The following ASCC2 variants were observed in gnomAD, a reference collection of about 807,000 sequenced individuals.
ASCC2 encodes activating signal cointegrator 1 complex subunit 2.
A neutral mutation model predicts 93.5 loss-of-function variants in ASCC2; 42 were observed. The observed-to-expected ratio is 0.45, with a 90% CI of 0.35 to 0.58. ASCC2 has a LOEUF of 0.58. ASCC2 is among the 20% of genes least tolerant of loss of function. The pLI, the probability that ASCC2 is intolerant of heterozygous loss-of-function variation, is 0.00. For missense variants in ASCC2, 859 were observed against 977.6 expected (o/e 0.88, Z 1.62); for synonymous variants, 364 against 384.2 (o/e 0.95, Z 0.62).
Position 29,822,494 on chromosome 22 carries a change from A to G in ASCC2, c.412-30T>C, listed in dbSNP as rs544855357. ...GGAAAAATGCAGAGAGAAAGGATAG[A>G]GATTTTCTGAACACTCCTACATTAT... On this transcript the variant is annotated intron_variant, in intron 4 of 19. Transcript: ENST00000307790. 7 of 1,610,932 alleles carry G rather than the reference A, an allele frequency of 4.3e-6. No homozygotes were observed. In the East Asian group the frequency reaches 1.3e-4, roughly 31 times the overall value.
intron 2 of ASCC2, 38 bp downstream of exon 2, chr22:29,832,207 A>G (rs377665814): frequency 1.6e-5 from 25 of 1,549,778 alleles, no homozygotes; most frequent in Non-Finnish European, 2.1e-5. Context: ...TGCAAGACTG[A>G]CAATATCAGG....
At chr22:29,819,921 G>A (rs942405954) in intron 5 of ASCC2, among the ~76,000 whole-genome samples, 1 of 149,120 alleles carries the variant, frequency 6.7e-6, no homozygotes, top group Admixed American at 6.7e-5. Context: ...GTGTAGTGGT[G>A]TGATCATAGT....
intron 5 of ASCC2, among the ~76,000 whole-genome samples, chr22:29,820,800 G>A (rs943876286): frequency 3.3e-5 from 5 of 151,586 alleles, no homozygotes; most frequent in African/African-American, 7.3e-5. Flanking sequence ...CAGCTACTTC[G>A]GAGGCTGAAG....
intron 4 of ASCC2, among the ~76,000 whole-genome samples, chr22:29,823,478 G>A (rs1487838874): frequency 3.3e-5 from 5 of 152,254 alleles, no homozygotes; most frequent in East Asian, 1.9e-4. Flanking sequence ...CTAAGGGAGA[G>A]AGATAAAATG....
chr22:29,798,682 G>T (rs896504103), intron 15 of ASCC2, among the ~76,000 whole-genome samples: 2 of 152,192 alleles, frequency 1.3e-5, no homozygotes, highest in Non-Finnish European at 2.9e-5. Context: ...TTTCTCATGG[G>T]ATTAGGACAT....
chr22:29,816,673 T>A (rs890236171), intron 5 of ASCC2: 4 of 152,238 alleles, frequency 2.6e-5, no homozygotes, highest in Non-Finnish European at 5.9e-5. Flanking sequence ...TCCTATAAGA[T>A]GAAGCTTGTC....
chr22:29,813,327 T>G (rs949466379), intron 8 of ASCC2, 103 bp downstream of exon 8: 1 of 847,310 alleles, frequency 1.2e-6, no homozygotes, highest in East Asian at 2.6e-5. Context: ...GAGGGACTGG[T>G]ACATTCTAAG....
intron 15 of ASCC2, among the ~76,000 whole-genome samples, chr22:29,795,379 A>T (rs1329535237): frequency 1.3e-5 from 2 of 151,872 alleles, no homozygotes; most frequent in African/African-American, 2.4e-5. Flanking sequence ...CTTAAACAAA[A>T]TTTTTTTTCA....
intron 15 of ASCC2, chr22:29,799,249 A>G (rs950721916): frequency 7.9e-5 from 12 of 152,186 alleles, no homozygotes; most frequent in Non-Finnish European, 1.5e-4. Context: ...AGCCTGGAGG[A>G]CCCCTTGTCT....
intron 19 of ASCC2, 127 bp downstream of exon 19, chr22:29,790,341 TG>T: frequency 1.1e-6 from 1 of 881,636 alleles, no homozygotes; most frequent in Non-Finnish European, 1.8e-6. Flanking sequence ...GCTACTTCAC[TG>T]GGTTGTCGTG....
At chr22:29,815,911 C>T in intron 6 of ASCC2, 95 bp downstream of exon 6, 2 of 1,048,346 alleles carry the variant, frequency 1.9e-6, no homozygotes, top group Non-Finnish European at 2.9e-6. Flanking sequence ...AACATTTCCT[C>T]AGCTCCTCCA....
intron 12 of ASCC2, among the ~76,000 whole-genome samples, chr22:29,805,144 G>C (rs945632232): frequency 6.6e-6 from 1 of 152,220 alleles, no homozygotes; most frequent in African/African-American, 2.4e-5. Flanking sequence ...TGACTGCCAG[G>C]AGGAGGGCGT....
At chr22:29,815,043 C>A (rs1234221184) in intron 6 of ASCC2, 1 of 309,024 alleles carries the variant, frequency 3.2e-6, no homozygotes, top group African/African-American at 2.3e-5. Context: ...CTCCTGTATC[C>A]CCAAACTTTG....
At position 29,825,278 on chromosome 22, in the gene ASCC2, G is replaced by A; in HGVS notation, c.241-21C>T. 6.6e-7 allele frequency: 1 copy of A among 1,508,812 alleles called. No homozygotes were observed. Among genetic ancestry groups the A allele is most frequent in the African/African-American group, 1.4e-5 (1 of 71,406 alleles). The allele number at this position is 1,508,812 out of a possible 1,614,324, so 93.5% of individuals were successfully genotyped here. On this transcript the variant is annotated intron_variant, in intron 3 of 19. Coordinates refer to ENST00000307790, the MANE Select transcript of ASCC2 (RefSeq NM_032204.5). The surrounding 1 kb of genome is among the most constrained non-coding windows in gnomAD (Gnocchi z 4.9). The stretch of plus-strand genomic sequence containing the variant: ...ATCACCTAAACCAGGAGACAGAGGA[G>A]AGCGAGGATTTATCCCTTAGGCCCC...
In ASCC2 at chr22:29,825,240, A is replaced by G; in HGVS notation, c.258T>C (p.Thr86=). The G allele has an allele frequency of 6.6e-7, 1 of 1,521,780 alleles. No individual in the cohort carries two copies. The allele number at this position is 1,521,780 out of a possible 1,614,324, so 94.3% of individuals were successfully genotyped here. A position where few individuals can be genotyped will look rare whatever the true frequency, so the allele number is the denominator to read the frequency against. ...KFWCQVIFDE[T]LQKCLDSYLR... Reference sequence around the variant, plus strand: ...GGTAGGAGTCCAGGCACTTCTGTAGAGTCTCGTCAAAGATCACCTAAACCA... The same window carrying G: ...GGTAGGAGTCCAGGCACTTCTGTAGGGTCTCGTCAAAGATCACCTAAACCA... The change falls in exon 4 of 20, where the codon ACT becomes ACC. Residue 86 remains threonine, a synonymous_variant. Transcript: ENST00000307790. The surrounding 1 kb of genome is among the most constrained non-coding windows in gnomAD (Gnocchi z 4.9).
In ASCC2 at chr22:29,822,425, A is replaced by G; in HGVS notation, c.451T>C (p.Tyr151His). The G allele has an allele frequency of 6.2e-7, 1 of 1,614,078 alleles. No homozygotes were observed. Among genetic ancestry groups the G allele is most frequent in the African/African-American group, 1.3e-5 (1 of 75,052 alleles). Residue 151 changes from tyrosine (Y) to histidine (H), a missense_variant, in exon 5 of 20, where the codon TAC (tyrosine) becomes CAC (histidine). Physicochemically the swap from Tyr to His is moderately conservative, Grantham distance 83. Transcript: ENST00000307790. ...ISPSAFGEIL[Y>H]NNFLFDIPKI... ...GGAATGTCAAAGAGGAAGTTATTGT[A>G]GAGGATTTCTCCAAACGCAGAAGGG...
chr22:29,801,223 G>A, intron 14 of ASCC2, 113 bp from the exon 15 acceptor site: 2 of 1,347,862 alleles, frequency 1.5e-6, no homozygotes, highest in East Asian at 2.5e-5. Flanking sequence ...CCCTTCAACA[G>A]GCACTCCTAG....
intron 5 of ASCC2, among the ~76,000 whole-genome samples, 162 bp from the exon 6 acceptor site, chr22:29,816,235 T>TGGAACTGAGCTTTGGCCCAGCC (rs985499694): frequency 1.3e-5 from 2 of 152,190 alleles, no homozygotes; most frequent in Admixed American, 6.5e-5. Flanking sequence ...CAGGCCCTGC[T>TGGAACTGAGCTTTGGCCCAGCC]GGCACTGAGC....
intron 2 of ASCC2, among the ~76,000 whole-genome samples, chr22:29,826,864 G>A (rs1246625066): frequency 6.6e-6 from 1 of 151,964 alleles, no homozygotes; most frequent in Non-Finnish European, 1.5e-5. Context: ...TTGGGAGGCT[G>A]AGGCAGGCAG....
Sources: allele counts gnomAD v4.1 joint callset (sites outside exome capture counted in the v4.1 genomes callset), GRCh38; gene constraint gnomAD v4.1.1; non-coding constraint Gnocchi (gnomAD v3.1); transcripts MANE v1.5; gene names NCBI Gene and HGNC (gene_info 2026-07-23, HGNC 2026-07-21).